MDM2: variants seen among roughly 807,000 people sequenced by gnomAD.
MDM2 encodes the protein MDM2 proto-oncogene, also known as E3 ubiquitin-protein ligase Mdm2.
In MDM2, 11 loss-of-function variants were observed where a neutral mutation model predicts 64.3. The ratio of observed to expected loss-of-function variants is 0.17; its 90% CI spans 0.11 to 0.28. The LOEUF (loss-of-function observed/expected upper bound fraction) is 0.28. Among genes scored for constraint, MDM2 ranks in the 10% least tolerant of loss-of-function variants. The pLI, the probability that MDM2 is intolerant of heterozygous loss-of-function variation, is 1.00. For synonymous variants in MDM2, 194 were observed against 192.9 expected (o/e 1.01, Z -0.05); for missense variants, 388 against 577.1 (o/e 0.67, Z 3.36).
At chr12:68,833,112 C>T (rs777472) in intron 8 of MDM2, among the ~76,000 whole-genome samples, 79 of 95,296 alleles carry the variant, frequency 8.3e-4, no homozygotes, top group African/African-American at 3.0e-3. Flanking sequence ...GGTGACAGAG[C>T]GAGACTCTGT....
In MDM2 at chr12:68,842,283, G is replaced by A; in HGVS notation, c.*2434G>A. 1 of 496,686 alleles carries A rather than the reference G, an allele frequency of 2.0e-6. No homozygotes were observed. The highest frequency in any genetic ancestry group is 4.7e-5 in the East Asian group (1 of 21,370). The allele number at this position is 496,686 out of a possible 1,614,324, so 30.8% of individuals were successfully genotyped here. On this transcript the variant is annotated 3_prime_UTR_variant, in exon 11 of 11. Coordinates refer to ENST00000258149, the MANE Select transcript of MDM2 (RefSeq NM_002392.6). ...ACGGAAAGTTCAGGACATCAAAGAA[G>A]TCAGGCAAAACTCATCTTGACCCCT...
rs908138602 is a variant in MDM2 at position 68,810,685 on chromosome 12, T to C, written c.99+1393T>C. Among the ~76,000 whole-genome samples, 426 of 152,068 alleles carry C rather than the reference T, an allele frequency of 2.8e-3. 3 individuals are homozygous for C. Among genetic ancestry groups the C allele is most frequent in the African/African-American group, 9.8e-3 (406 of 41,494 alleles). ...ACCATGTTAGCCAGGATGATCTTGA[T>C]CCCCTGACCTGGTGATCCGCCCGCC... On this transcript the variant is annotated intron_variant, in intron 2 of 10. Transcript: ENST00000258149.
chr12:68,818,829 C>T (rs1330684069), intron 4 of MDM2, among the ~76,000 whole-genome samples: 1 of 151,268 alleles, frequency 6.6e-6, no homozygotes, highest in East Asian at 1.9e-4. Context: ...CTCCTGGGTT[C>T]AAGCGATTCT....
rs765244028 is a variant in MDM2 at position 68,820,301 on chromosome 12, AT to A, written c.309-12del. 0.052 allele frequency: 53,663 copies of A among 1,037,332 alleles called. No homozygotes were observed. Among genetic ancestry groups the A allele is most frequent in the South Asian group, 0.063 (3,479 of 55,120 alleles). 64.3% of individuals were successfully genotyped at this position (1,037,332 alleles called of 1,614,324 possible). Reference sequence around the variant, plus strand: ...TATTCTAAAATGTACATCTCTTGTTATTTTTTTTTTTTCTGTCTACAAGGAA... The same window carrying A: ...TATTCTAAAATGTACATCTCTTGTTATTTTTTTTTTTCTGTCTACAAGGAA... On this transcript the variant is annotated intron_variant, in intron 4 of 10. Coordinates refer to ENST00000258149, the MANE Select transcript of MDM2 (RefSeq NM_002392.6).
the MDM2 span, chr12:68,850,625 C>T: frequency 6.6e-6 from 1 of 152,252 alleles, no homozygotes; most frequent in Admixed American, 6.5e-5. Flanking sequence ...TCTTTGTTTA[C>T]CACTGTTCTC....
chr12:68,832,395 C>T (rs1882865450), intron 8 of MDM2, among the ~76,000 whole-genome samples: 2 of 152,122 alleles, frequency 1.3e-5, no homozygotes, highest in Admixed American at 6.6e-5. Flanking sequence ...TTTTAAATAA[C>T]TTGTTTAAGG....
rs1311379541 is a variant in MDM2 at position 68,841,688 on chromosome 12, G to C, written c.*1839G>C. The C allele has an allele frequency of 9.6e-6, 2 of 208,672 alleles. No individual in the cohort carries two copies. The highest frequency in any genetic ancestry group is 1.9e-5 in the Non-Finnish European group (2 of 102,750). 12.9% of individuals were successfully genotyped at this position (208,672 alleles called of 1,614,324 possible). A position where few individuals can be genotyped will look rare whatever the true frequency, so the allele number is the denominator to read the frequency against. ...TTCCCAGCCTAGGTTTCAGACTTTT[G>C]CTTAAGGCCAGTTTTAGAAACCCGT... On this transcript the variant is annotated 3_prime_UTR_variant, in exon 11 of 11. Transcript: ENST00000258149.
chr12:68,835,681 C>T lies in MDM2; in HGVS notation c.685-148C>T, dbSNP rs1437721461. The T allele has an allele frequency of 1.0e-5, 7 of 689,874 alleles. No homozygotes were observed. The African/African-American group carries it at 1.1e-4, about 11-fold the overall frequency. The allele number at this position is 689,874 out of a possible 1,614,324, so 42.7% of individuals were successfully genotyped here. A position where few individuals can be genotyped will look rare whatever the true frequency, so the allele number is the denominator to read the frequency against. The stretch of plus-strand genomic sequence containing the variant: ...CCTAGTCTTCTGCCCGCCGATCTCC[C>T]TCGGGAAGTCCCGGATCAGAGCAGC... On this transcript the variant is annotated intron_variant, in intron 8 of 10. Transcript: ENST00000258149.
rs565271818 is a variant in MDM2 at position 68,824,079 on chromosome 12, T to C, written c.359-284T>C. Reference sequence around the variant, plus strand: ...TCCTGATTCTTTGTTTCTCAGACACTCCCTGTCCCTACCAAAATAATGACT... The same window carrying C: ...TCCTGATTCTTTGTTTCTCAGACACCCCCTGTCCCTACCAAAATAATGACT... On this transcript the variant is annotated intron_variant, in intron 5 of 10. Coordinates refer to ENST00000258149, the MANE Select transcript of MDM2 (RefSeq NM_002392.6). 15 of 389,120 alleles carry C rather than the reference T, an allele frequency of 3.9e-5. No individual in the cohort carries two copies. The East Asian group carries it at 5.6e-4, about 14-fold the overall frequency. The allele number at this position is 389,120 out of a possible 1,614,324, so 24.1% of individuals were successfully genotyped here.
chr12:68,837,987 T>C (rs1413053040), intron 10 of MDM2, among the ~76,000 whole-genome samples: 1 of 152,188 alleles, frequency 6.6e-6, no homozygotes, highest in Non-Finnish European at 1.5e-5. Context: ...TTGAGTAAAA[T>C]ATTTTAGATA....
Position 68,835,984 on chromosome 12 carries a change from G to T in MDM2, c.840G>T (p.Glu280Asp). 6.3e-7 allele frequency: 1 copy of T among 1,590,544 alleles called. No individual in the cohort carries two copies. The highest frequency in any genetic ancestry group is 8.5e-7 in the Non-Finnish European group (1 of 1,169,704). ...AAGAACTCTCAGATGAAGATGATGA[G>T]GTAGTATTTTTTTTCCCCTCTAATT... Reference protein sequence around the residue: ...EGQELSDEDDEVYQVTVYQAG... With the variant: ...EGQELSDEDDDVYQVTVYQAG... The change falls in exon 9 of 11, where the codon GAG (glutamate) becomes GAT (aspartate). Residue 280 changes from glutamate (E) to aspartate (D), a missense_variant and splice_region_variant. This residue lies in a region of MDM2 where 168 missense variants were observed against 236.6 expected (regional missense o/e 0.71). Transcript: ENST00000258149.
chr12:68,837,778 GT>G (rs1385043245), intron 10 of MDM2, among the ~76,000 whole-genome samples: 4 of 151,922 alleles, frequency 2.6e-5, no homozygotes, highest in East Asian at 1.9e-4. Context: ...GGTATTATAG[GT>G]TTTTTTAAAA....
At chr12:68,811,502 C>G (rs1004667758) in intron 2 of MDM2, among the ~76,000 whole-genome samples, 6 of 151,252 alleles carry the variant, frequency 4.0e-5, no homozygotes, top group African/African-American at 1.5e-4. Context: ...CCTTCTTGTT[C>G]TTCAATGTAA....
chr12:68,812,866 TAC>T (rs1881028874), intron 2 of MDM2, among the ~76,000 whole-genome samples: 1 of 152,178 alleles, frequency 6.6e-6, no homozygotes, highest in African/African-American at 2.4e-5. Flanking sequence ...TTAAAATACT[TAC>T]AGTCTGGCTC....
At chr12:68,831,455 A>G (rs1882789364) in intron 8 of MDM2, among the ~76,000 whole-genome samples, 1 of 152,180 alleles carries the variant, frequency 6.6e-6, no homozygotes, top group African/African-American at 2.4e-5. Flanking sequence ...GCAGGATGCC[A>G]TGACATTTTA....
In MDM2 at chr12:68,808,438, A is replaced by G; in HGVS notation, c.-40A>G. 6.2e-7 allele frequency: 1 copy of G among 1,613,742 alleles called. No individual in the cohort carries two copies. The highest frequency in any genetic ancestry group is 8.5e-7 in the Non-Finnish European group (1 of 1,179,914). ...GCGCGCCCCGTGAAGGAAACTGGGG[A>G]GTCTTGAGGGACCCCCGACTCCAAG... On this transcript the variant is annotated 5_prime_UTR_variant, in exon 1 of 11. Coordinates refer to ENST00000258149, the MANE Select transcript of MDM2 (RefSeq NM_002392.6).
At chr12:68,820,428 T>A in intron 5 of MDM2, 54 bp downstream of exon 5, 5 of 1,363,294 alleles carry the variant, frequency 3.7e-6, no homozygotes, top group Non-Finnish European at 5.2e-6. Context: ...TTTAAAGACA[T>A]TTTTGTTTAT....
intron 2 of MDM2, among the ~76,000 whole-genome samples, chr12:68,812,833 A>G (rs567592541): frequency 6.6e-6 from 1 of 152,264 alleles, no homozygotes; most frequent in East Asian, 1.9e-4. Context: ...TTTTACTTGG[A>G]TAGAACCATT....
Position 68,840,152 on chromosome 12 carries a change from T to C in MDM2, c.*303T>C, listed in dbSNP as rs556880336. On this transcript the variant is annotated 3_prime_UTR_variant, in exon 11 of 11. Transcript: ENST00000258149. ...GTATATGACATTTAAATGTAACTTA[T>C]TATTTTTTTTGAGACCGAGTCTTGC... is the stretch of plus-strand genomic sequence containing the variant. The C allele has an allele frequency of 2.7e-5, 8 of 292,850 alleles. No homozygotes were observed. The highest frequency in any genetic ancestry group is 4.8e-5 in the Admixed American group (1 of 20,714). 18.1% of individuals were successfully genotyped at this position (292,850 alleles called of 1,614,324 possible).
Sources: allele counts gnomAD v4.1 joint callset (sites outside exome capture counted in the v4.1 genomes callset), GRCh38; gene constraint gnomAD v4.1.1; regional missense constraint gnomAD v4.1.1; transcripts MANE v1.5; gene names NCBI Gene and HGNC (gene_info 2026-07-23, HGNC 2026-07-21).